Variants in NRXN3 observed in about 807,000 individuals in gnomAD.
The protein encoded by NRXN3 is neurexin 3.
A neutral mutation model predicts 137.6 loss-of-function variants in NRXN3; 32 were observed. The observed-to-expected ratio is 0.23, with a 90% CI of 0.18 to 0.31. The LOEUF is 0.31. Among genes scored for constraint, NRXN3 ranks in the 10% least tolerant of loss-of-function variants. The pLI is 1.00. For synonymous variants in NRXN3, 798 were observed against 784.5 expected (o/e 1.02, Z -0.29); for missense variants, 1,574 against 2,062.5 (o/e 0.76, Z 4.59).
At chr14:78,477,239 A>C (rs1295613237) in intron 4 of NRXN3, among the ~76,000 whole-genome samples, 1 of 152,142 alleles carries the variant, frequency 6.6e-6, no homozygotes, top group African/African-American at 2.4e-5. Context: ...TCTTTTCCCC[A>C]GTTAATATAC....
chr14:78,535,994 G>A lies in NRXN3; in HGVS notation c.758-109126G>A, dbSNP rs554912328. 1.1e-4 allele frequency among the ~76,000 whole-genome samples: 17 copies of A among 152,054 alleles called. No homozygotes were observed. In the East Asian group the frequency reaches 1.2e-3, roughly 10 times the overall value. On this transcript the variant is annotated intron_variant, in intron 4 of 20. Coordinates refer to ENST00000335750, the MANE Select transcript of NRXN3 (RefSeq NM_001330195.2). ...AGCCATGTGTTCTATTCTGCTCAAC[G>A]TTCTCATCAGACTCATGATTCCTAA...
chr14:79,270,288 T>G (rs1473493225), intron 15 of NRXN3, among the ~76,000 whole-genome samples: 1 of 152,148 alleles, frequency 6.6e-6, no homozygotes, highest in Admixed American at 6.6e-5. Context: ...ATTGCATATT[T>G]TGGAGGTTCC....
intron 10 of NRXN3, among the ~76,000 whole-genome samples, chr14:78,878,733 T>G (rs1018345664): frequency 4.6e-5 from 7 of 152,206 alleles, no homozygotes; most frequent in Non-Finnish European, 1.0e-4. Flanking sequence ...TTTGCAATTT[T>G]CAAGTATAAA....
At chr14:78,569,703 G>T (rs1236354340) in intron 4 of NRXN3, among the ~76,000 whole-genome samples, 1 of 151,990 alleles carries the variant, frequency 6.6e-6, no homozygotes, top group Non-Finnish European at 1.5e-5. Flanking sequence ...GAGACTACAG[G>T]CACCCGCCCC....
chr14:79,154,673 A>C (rs1286612537), intron 15 of NRXN3, among the ~76,000 whole-genome samples: 2 of 151,780 alleles, frequency 1.3e-5, no homozygotes, highest in Non-Finnish European at 2.9e-5. Context: ...AATTCCCATC[A>C]TATCTGCCCT....
At chr14:79,311,542 C>T (rs1423521127) in intron 15 of NRXN3, among the ~76,000 whole-genome samples, 3 of 101,962 alleles carry the variant, frequency 2.9e-5, no homozygotes, top group Non-Finnish European at 3.9e-5. Context: ...TGGTAGAATT[C>T]GGCTGTGAAT....
intron 15 of NRXN3, among the ~76,000 whole-genome samples, chr14:79,030,041 C>A (rs1388420065): frequency 1.0e-4 from 14 of 139,272 alleles, no homozygotes; most frequent in African/African-American, 3.9e-4. Context: ...TTTTTTCTTT[C>A]TTTCTTTCTT....
chr14:78,411,842 G>A (rs1223450802), intron 4 of NRXN3, among the ~76,000 whole-genome samples: 1 of 152,072 alleles, frequency 6.6e-6, no homozygotes, highest in African/African-American at 2.4e-5. Context: ...CTTACAGAAG[G>A]GATTATCACA....
intron 15 of NRXN3, among the ~76,000 whole-genome samples, chr14:79,054,212 A>G (rs2099649762): frequency 6.6e-6 from 1 of 151,684 alleles, no homozygotes; most frequent in South Asian, 2.1e-4. Context: ...CTAATGTTAA[A>G]TGATGAGTTA....
intron 15 of NRXN3, among the ~76,000 whole-genome samples, chr14:79,297,490 T>C (rs1346091082): frequency 1.3e-5 from 2 of 152,184 alleles, no homozygotes; most frequent in Non-Finnish European, 2.9e-5. Context: ...CATCAGAGAC[T>C]ATATCTGTTT....
chr14:79,761,713 A>G (rs1457803307), intron 19 of NRXN3, among the ~76,000 whole-genome samples: 1 of 148,386 alleles, frequency 6.7e-6, no homozygotes, highest in Non-Finnish European at 1.5e-5. Flanking sequence ...AAAAAAATAG[A>G]TCTCACTAGA....
intron 4 of NRXN3, among the ~76,000 whole-genome samples, chr14:78,434,104 G>A (rs1322542519): frequency 6.6e-6 from 1 of 152,148 alleles, no homozygotes; most frequent in Non-Finnish European, 1.5e-5. Flanking sequence ...GTAAAATGTT[G>A]AATATCTCAT....
At chr14:79,169,763 A>G (rs1022933625) in intron 15 of NRXN3, among the ~76,000 whole-genome samples, 1 of 152,068 alleles carries the variant, frequency 6.6e-6, no homozygotes, top group Non-Finnish European at 1.5e-5. Flanking sequence ...TAACAATTAT[A>G]TTTTCCATGG....
At chr14:79,336,969 C>T (rs1401650449) in intron 15 of NRXN3, among the ~76,000 whole-genome samples, 1 of 152,142 alleles carries the variant, frequency 6.6e-6, no homozygotes, top group African/African-American at 2.4e-5. Flanking sequence ...TTCTTATGAC[C>T]TTGGCCACAT....
chr14:79,632,440 AG>A (rs1357297185), intron 16 of NRXN3: 5 of 152,380 alleles, frequency 3.3e-5, no homozygotes, highest in Non-Finnish European at 7.3e-5. Flanking sequence ...ACCTGGAAGA[AG>A]GGAATTCAGG....
intron 4 of NRXN3, among the ~76,000 whole-genome samples, chr14:78,394,890 T>C (rs1415763722): frequency 1.3e-5 from 2 of 151,830 alleles, no homozygotes; most frequent in Non-Finnish European, 3.0e-5. Flanking sequence ...ATTATCCTTT[T>C]GATATGTTCG....
intron 15 of NRXN3, among the ~76,000 whole-genome samples, chr14:79,120,637 A>G (rs1451615363): frequency 6.6e-6 from 1 of 152,032 alleles, no homozygotes; most frequent in African/African-American, 2.4e-5. Flanking sequence ...ATCTACTCTA[A>G]AATTGATTTA....
At chr14:78,842,987 G>A (rs1038740465) in intron 10 of NRXN3, among the ~76,000 whole-genome samples, 5 of 152,024 alleles carry the variant, frequency 3.3e-5, no homozygotes, top group Non-Finnish European at 5.9e-5. Context: ...CAAACAATTT[G>A]TGCAGTTAGT....
intron 10 of NRXN3, among the ~76,000 whole-genome samples, chr14:78,902,176 C>A (rs2099198715): frequency 6.6e-6 from 1 of 151,986 alleles, no homozygotes; most frequent in Admixed American, 6.6e-5. Context: ...CTGGCACAGG[C>A]ATCTCAATGA....
Sources: allele counts gnomAD v4.1 joint callset (sites outside exome capture counted in the v4.1 genomes callset), GRCh38; gene constraint gnomAD v4.1.1; transcripts MANE v1.5; gene names NCBI Gene and HGNC (gene_info 2026-07-23, HGNC 2026-07-21).